Variants in RHOU observed in about 807,000 individuals in gnomAD.
The protein encoded by RHOU is ras homolog family member U, also known as rho-related GTP-binding protein RhoU.
Under a neutral mutation model 12.6 loss-of-function variants are expected in RHOU, and 8 were observed. The ratio of observed to expected loss-of-function variants is 0.64; its 90% CI spans 0.37 to 1.15. RHOU has a LOEUF of 1.15. Among genes scored for constraint, RHOU ranks in the 50% most tolerant of loss-of-function variants. The pLI is 0.01. For missense variants in RHOU, 258 were observed against 347.0 expected (o/e 0.74, Z 2.04); for synonymous variants, 161 against 147.4 (o/e 1.09, Z -0.67).
chr1:228,704,519 G>A, the RHOU span, among the ~76,000 whole-genome samples: 3 of 152,042 alleles, frequency 2.0e-5, no homozygotes, highest in Non-Finnish European at 4.4e-5. Flanking sequence ...GTGCAATGGT[G>A]TGATCTTGGC....
chr1:228,676,678 G>C, the RHOU span, among the ~76,000 whole-genome samples: 1 of 152,176 alleles, frequency 6.6e-6, no homozygotes, highest in South Asian at 2.1e-4. Flanking sequence ...AGGGTGGTGG[G>C]ATTATCATTA....
chr1:228,724,166 C>T, the RHOU span, among the ~76,000 whole-genome samples: 1 of 152,172 alleles, frequency 6.6e-6, no homozygotes, highest in Non-Finnish European at 1.5e-5. Flanking sequence ...CAACTACTCT[C>T]GGCCTCACAT....
chr1:228,719,573 T>C, the RHOU span, among the ~76,000 whole-genome samples: 1 of 151,984 alleles, frequency 6.6e-6, no homozygotes, highest in Admixed American at 6.6e-5. Flanking sequence ...CTACTAAAAA[T>C]ATAAAAATTA....
At chr1:228,716,549 G>A in the RHOU span, among the ~76,000 whole-genome samples, 15 of 152,050 alleles carry the variant, frequency 9.9e-5, no homozygotes, top group East Asian at 1.9e-4. Flanking sequence ...GTTTAATATC[G>A]TCTGCTTATC....
At chr1:228,712,579 A>G in the RHOU span, among the ~76,000 whole-genome samples, 58 of 148,300 alleles carry the variant, frequency 3.9e-4, no homozygotes, top group South Asian at 6.4e-4. Context: ...CAAAAACCGC[A>G]TATTCTCACT....
chr1:228,723,087 T>C, the RHOU span, among the ~76,000 whole-genome samples: 1 of 152,342 alleles, frequency 6.6e-6, no homozygotes, highest in Non-Finnish European at 1.5e-5. Context: ...TCTCTTTCTA[T>C]CTGGCAGCCT....
chr1:228,724,224 A>T, the RHOU span, among the ~76,000 whole-genome samples: 54,712 of 152,082 alleles, frequency 0.36, 10,813 homozygotes, highest in African/African-American at 0.52. Flanking sequence ...ATCAATGCAA[A>T]TCCTGCTACA....
chr1:228,732,730 C>G (rs6701241), upstream of RHOU, among the ~76,000 whole-genome samples: 23,960 of 151,888 alleles, frequency 0.16, 2,171 homozygotes, highest in South Asian at 0.23. Flanking sequence ...AAGAGGGGGA[C>G]GCACAGGACA....
At chr1:228,710,678 T>C in the RHOU span, among the ~76,000 whole-genome samples, 3 of 150,676 alleles carry the variant, frequency 2.0e-5, no homozygotes, top group Middle Eastern at 3.4e-3. Context: ...ATAAGAGCTA[T>C]CTATGACAAA....
the RHOU span, chr1:228,651,218 G>T: frequency 1.4e-5 from 3 of 211,024 alleles, no homozygotes; most frequent in East Asian, 1.3e-4. Context: ...CTACCAGGGG[G>T]AGGCAGCAGG....
chr1:228,737,789 A>G lies in RHOU; in HGVS notation c.321+58A>G. 6.4e-7 allele frequency: 1 copy of G among 1,561,564 alleles called. No individual in the cohort carries two copies. ...AGGAAACAGCCTTTTAAAGATTTCCAAATAACCTTTGATTCCCTCAGTCAG... is the reference window on the plus strand; with the variant it reads ...AGGAAACAGCCTTTTAAAGATTTCCGAATAACCTTTGATTCCCTCAGTCAG... On this transcript the variant is annotated intron_variant, in intron 2 of 2. Transcript: ENST00000366691. The surrounding 1 kb of genome is among the most constrained non-coding windows in gnomAD (Gnocchi z 4.1).
the RHOU span, among the ~76,000 whole-genome samples, chr1:228,671,049 G>A: frequency 6.6e-6 from 1 of 152,050 alleles, no homozygotes; most frequent in Non-Finnish European, 1.5e-5. Flanking sequence ...CTGTTGTGCA[G>A]GCTGGAGTGC....
At chr1:228,663,624 T>C in the RHOU span, among the ~76,000 whole-genome samples, 1 of 105,734 alleles carries the variant, frequency 9.5e-6, no homozygotes, top group East Asian at 2.5e-4. Flanking sequence ...TCTTTTCTTT[T>C]CTTTTTTTTT....
chr1:228,743,797 A>G lies in RHOU; in HGVS notation c.*57A>G, dbSNP rs1571892326. On this transcript the variant is annotated 3_prime_UTR_variant, in exon 3 of 3. Coordinates refer to ENST00000366691, the MANE Select transcript of RHOU (RefSeq NM_021205.6). This position sits in a 1 kb window ranked among gnomAD's most constrained non-coding sequence, Gnocchi z 5.1. ...AGATGAAATCGATATTAGAAGCTAT[A>G]TTAGCTGAAACAACTCCTTTTACTG... The G allele has an allele frequency of 6.8e-7, 1 of 1,477,552 alleles. No homozygotes were observed. The highest frequency in any genetic ancestry group is 1.3e-5 in the South Asian group (1 of 78,850). The allele number at this position is 1,477,552 out of a possible 1,614,324, so 91.5% of individuals were successfully genotyped here.
the RHOU span, among the ~76,000 whole-genome samples, chr1:228,726,189 C>T: frequency 6.6e-6 from 1 of 152,040 alleles, no homozygotes; most frequent in Non-Finnish European, 1.5e-5. Context: ...ACTGCCGGTC[C>T]GTACGTACTC....
the RHOU span, among the ~76,000 whole-genome samples, chr1:228,720,679 GA>G: frequency 5.9e-5 from 9 of 152,204 alleles, no homozygotes; most frequent in African/African-American, 2.2e-4. Flanking sequence ...AAAACTGTGA[GA>G]AAATAAATTT....
At chr1:228,652,201 G>A in the RHOU span, among the ~76,000 whole-genome samples, 654 of 152,354 alleles carry the variant, frequency 4.3e-3, 6 homozygotes, top group African/African-American at 0.015. Context: ...AGGAGGAAAA[G>A]GGTACTTGCT....
At chr1:228,697,857 A>AT in the RHOU span, among the ~76,000 whole-genome samples, 1 of 152,154 alleles carries the variant, frequency 6.6e-6, no homozygotes, top group South Asian at 2.1e-4. Context: ...GTACCACAAG[A>AT]TTTTTGGGGT....
chr1:228,714,740 C>CTTTTTTTTTTTTTTTTTTTTTTT, the RHOU span, among the ~76,000 whole-genome samples: 7 of 83,686 alleles, frequency 8.4e-5, no homozygotes, highest in African/African-American at 1.6e-4. Flanking sequence ...TGTTAATTAT[C>CTTTTTTTTTTTTTTTTTTTTTTT]TTTTTTTTTT....
Sources: gnomAD v4.1 joint callset for allele counts (sites outside exome capture counted in the v4.1 genomes callset) on GRCh38, gnomAD v4.1.1 for gene constraint, Gnocchi (gnomAD v3.1) non-coding constraint, MANE v1.5 for transcripts, NCBI Gene and HGNC (gene_info 2026-07-23, HGNC 2026-07-21) for gene names.